TSPAN33: variants seen among roughly 807,000 people sequenced by gnomAD.
TSPAN33 encodes tetraspanin-33.
Under a neutral mutation model 34.8 loss-of-function variants are expected in TSPAN33, and 27 were observed. That is an observed-to-expected ratio of 0.78 (90% CI 0.57 to 1.07). The LOEUF is 1.07. Ranked by LOEUF, TSPAN33 falls within the 50% of genes least tolerant of loss-of-function variation. The pLI is 0.00. For synonymous variants in TSPAN33, 119 were observed against 124.2 expected (o/e 0.96, Z 0.28); for missense variants, 272 against 324.9 (o/e 0.84, Z 1.25).
chr7:129,167,333 G>A lies in TSPAN33; in HGVS notation c.589-66G>A. 6.5e-7 allele frequency: 1 copy of A among 1,549,794 alleles called. No individual in the cohort carries two copies. Among genetic ancestry groups the A allele is most frequent in the Non-Finnish European group, 8.8e-7 (1 of 1,138,350 alleles). On this transcript the variant is annotated intron_variant, in intron 6 of 7. Transcript: ENST00000486685. This position sits in a 1 kb window ranked among gnomAD's most constrained non-coding sequence, Gnocchi z 4.6. ...TTTGGGAAGGGTGGGAAGCCCATCA[G>A]CTAAGGCCCCAAACAAAAAGTTATT...
intron 1 of TSPAN33, among the ~76,000 whole-genome samples, chr7:129,152,051 C>T (rs1457076442): frequency 6.6e-6 from 1 of 152,054 alleles, no homozygotes; most frequent in Non-Finnish European, 1.5e-5. Flanking sequence ...TTGGCCGGAA[C>T]ATGAAAAATG....
At chr7:129,145,127 C>T in intron 1 of TSPAN33, 45 bp downstream of exon 1, 1 of 643,860 alleles carries the variant, frequency 1.6e-6, no homozygotes, top group Non-Finnish European at 2.9e-6. Flanking sequence ...GGTCCCCCCG[C>T]GGGGTGGAAG....
Position 129,148,420 on chromosome 7 carries a change from C to T in TSPAN33, c.102+3338C>T, listed in dbSNP as rs1810549243. On this transcript the variant is annotated intron_variant, in intron 1 of 7. Coordinates refer to ENST00000486685, the MANE Select transcript of TSPAN33 (RefSeq NM_178562.5). This position sits in a 1 kb window ranked among gnomAD's most constrained non-coding sequence, Gnocchi z 4.2. ...TCGAGGGTGGGCACGGCCCTATTCA[C>T]TTCTGGATCCCCAGTGCCCAGCTGT... Among the ~76,000 whole-genome samples, 1 of 152,236 alleles carries T rather than the reference C, an allele frequency of 6.6e-6. No homozygotes were observed.
In TSPAN33 at chr7:129,148,917, A is replaced by G. The variant is rs916386460; in HGVS notation, c.102+3835A>G. On this transcript the variant is annotated intron_variant, in intron 1 of 7. Coordinates refer to ENST00000486685, the MANE Select transcript of TSPAN33 (RefSeq NM_178562.5). This position sits in a 1 kb window ranked among gnomAD's most constrained non-coding sequence, Gnocchi z 4.2. ...GCACCATTTCTTTTCGTCTGGCTCAAAAACCATGAGGAAGTAACCAGGCAT... is the reference window on the plus strand; with the variant it reads ...GCACCATTTCTTTTCGTCTGGCTCAGAAACCATGAGGAAGTAACCAGGCAT... Among the ~76,000 whole-genome samples, 2 of 152,136 alleles carry G rather than the reference A, an allele frequency of 1.3e-5. No individual in the cohort carries two copies. Among genetic ancestry groups the G allele is most frequent in the African/African-American group, 4.8e-5 (2 of 41,430 alleles).
intron 2 of TSPAN33, 64 bp from the exon 3 acceptor site, chr7:129,162,330 C>T (rs1793065775): frequency 1.9e-6 from 3 of 1,597,102 alleles, no homozygotes; most frequent in Non-Finnish European, 2.5e-6. Flanking sequence ...GGGCACCCTC[C>T]CACCCCATCC....
chr7:129,164,651 G>A, intron 5 of TSPAN33, 82 bp downstream of exon 5: 1 of 1,315,164 alleles, frequency 7.6e-7, no homozygotes, highest in Non-Finnish European at 1.1e-6. Context: ...TATGCCTGTG[G>A]GGCTCTTCAT....
At chr7:129,160,978 C>G (rs1433193211) in intron 1 of TSPAN33, among the ~76,000 whole-genome samples, 1 of 152,180 alleles carries the variant, frequency 6.6e-6, no homozygotes, top group Admixed American at 6.5e-5. Context: ...GTTGTTTGTT[C>G]TTACTTCCCA....
chr7:129,150,848 G>C (rs188515166), intron 1 of TSPAN33, among the ~76,000 whole-genome samples: 13 of 152,252 alleles, frequency 8.5e-5, no homozygotes, highest in African/African-American at 3.1e-4. Flanking sequence ...ACAGGGACTG[G>C]CTAGGGAAGG....
chr7:129,144,975 G>A lies in TSPAN33; in HGVS notation c.-6G>A, dbSNP rs1455412884. On this transcript the variant is annotated 5_prime_UTR_variant, in exon 1 of 8. Coordinates refer to ENST00000486685, the MANE Select transcript of TSPAN33 (RefSeq NM_178562.5). ...GGCCCCCGGGGGCGGTGGCGGCGGC[G>A]GGGCCATGGCGCGGAGACCCCGGGC... 3.2e-6 allele frequency: 2 copies of A among 619,306 alleles called. No homozygotes were observed. The highest frequency in any genetic ancestry group is 2.0e-5 in the African/African-American group (1 of 51,002). The allele number at this position is 619,306 out of a possible 1,614,324, so 38.4% of individuals were successfully genotyped here. A position where few individuals can be genotyped will look rare whatever the true frequency, so the allele number is the denominator to read the frequency against.
At chr7:129,153,059 CAAAAAAAAAA>C (rs35432172) in intron 1 of TSPAN33, among the ~76,000 whole-genome samples, 4 of 82,456 alleles carry the variant, frequency 4.9e-5, no homozygotes, top group Non-Finnish European at 9.3e-5. Context: ...AACTCCGTCT[CAAAAAAAAAA>C]AAAAAAAAAA....
At chr7:129,149,422 G>A (rs1364252446) in intron 1 of TSPAN33, among the ~76,000 whole-genome samples, 2 of 152,124 alleles carry the variant, frequency 1.3e-5, no homozygotes, top group African/African-American at 4.8e-5. Context: ...GCCAGGTGTG[G>A]TGGTGCACAC....
chr7:129,152,785 C>T lies in TSPAN33; in HGVS notation c.102+7703C>T, dbSNP rs74616086. ...AACATTCTGCTAAGTGAACCGAACG[C>T]GGGTGGCTCACACCTGTAATCCTAG... is the stretch of plus-strand genomic sequence containing the variant. On this transcript the variant is annotated intron_variant, in intron 1 of 7. Transcript: ENST00000486685. 1.7e-3 allele frequency among the ~76,000 whole-genome samples: 255 copies of T among 151,876 alleles called. 2 individuals carry two copies. The highest frequency in any genetic ancestry group is 5.6e-3 in the African/African-American group (234 of 41,456).
chr7:129,145,538 T>G (rs1455935877), intron 1 of TSPAN33, among the ~76,000 whole-genome samples: 1 of 151,944 alleles, frequency 6.6e-6, no homozygotes, highest in African/African-American at 2.4e-5. Context: ...CTCTTCCTTT[T>G]GCAGGCCTCA....
chr7:129,149,262 A>G (rs1355831969), intron 1 of TSPAN33, among the ~76,000 whole-genome samples: 3 of 152,186 alleles, frequency 2.0e-5, no homozygotes. Context: ...CAGCCTTTAA[A>G]AAGGAAAAAA....
intron 1 of TSPAN33, among the ~76,000 whole-genome samples, chr7:129,157,293 C>G (rs1424143917): frequency 6.6e-6 from 1 of 151,918 alleles, no homozygotes; most frequent in African/African-American, 2.4e-5. Flanking sequence ...CTGTTCACCT[C>G]CAAACGTGAT....
At chr7:129,163,336 T>C (rs1563138712) in intron 4 of TSPAN33, among the ~76,000 whole-genome samples, 1 of 146,900 alleles carries the variant, frequency 6.8e-6, no homozygotes, top group Non-Finnish European at 1.5e-5. Flanking sequence ...TTTCTTTCTT[T>C]TTTTTTTTTT....
At chr7:129,156,358 T>C (rs1175629214) in intron 1 of TSPAN33, among the ~76,000 whole-genome samples, 1 of 152,236 alleles carries the variant, frequency 6.6e-6, no homozygotes, top group Admixed American at 6.5e-5. Context: ...TCCTCCGCTG[T>C]AGAGTTAGCC....
chr7:129,155,825 G>A lies in TSPAN33; in HGVS notation c.103-5854G>A, dbSNP rs984828079. On this transcript the variant is annotated intron_variant, in intron 1 of 7. Coordinates refer to ENST00000486685, the MANE Select transcript of TSPAN33 (RefSeq NM_178562.5). ...CAGCCTCAACCTCCTGGGGTCAAGC[G>A]ATCCTCCTCCCACCTTAGCCTCCCA... Among the ~76,000 whole-genome samples, 35 of 152,000 alleles carry A rather than the reference G, an allele frequency of 2.3e-4. 1 individual carries two copies. Among genetic ancestry groups the A allele is most frequent in the African/African-American group, 7.3e-4 (30 of 41,368 alleles).
At chr7:129,160,714 G>T (rs771433682) in intron 1 of TSPAN33, among the ~76,000 whole-genome samples, 2 of 152,208 alleles carry the variant, frequency 1.3e-5, no homozygotes, top group Non-Finnish European at 2.9e-5. Context: ...ACATTGGAGT[G>T]CACTTTCTTT....
Sources: gnomAD v4.1 joint callset for allele counts (sites outside exome capture counted in the v4.1 genomes callset) on GRCh38, gnomAD v4.1.1 for gene constraint, Gnocchi (gnomAD v3.1) non-coding constraint, MANE v1.5 for transcripts, NCBI Gene and HGNC (gene_info 2026-07-23, HGNC 2026-07-21) for gene names.